ARHGEF33: variants seen among roughly 807,000 people sequenced by gnomAD.
The protein encoded by ARHGEF33 is Rho guanine nucleotide exchange factor 33.
In ARHGEF33, 72 loss-of-function variants were observed where a neutral mutation model predicts 101.9. That is an observed-to-expected ratio of 0.71 (90% CI 0.58 to 0.86). The LOEUF (loss-of-function observed/expected upper bound fraction) is 0.86, where lower values mean the gene tolerates loss of function less well. Ranked by LOEUF, ARHGEF33 falls within the 40% of genes least tolerant of loss-of-function variation. The probability of loss-of-function intolerance (pLI) is 0.00; values close to 1 mark genes in which losing one functional copy is unlikely to be tolerated. For missense variants in ARHGEF33, 1,169 were observed against 1,111.3 expected (o/e 1.05, Z -0.74); for synonymous variants, 499 against 442.5 (o/e 1.13, Z -1.60).
At chr2:38,964,149 C>T (rs1313036989) in intron 16 of ARHGEF33, among the ~76,000 whole-genome samples, 1 of 152,124 alleles carries the variant, frequency 6.6e-6, no homozygotes, top group Non-Finnish European at 1.5e-5. Context: ...GTTGCTGTCA[C>T]TGCAGAAAAC....
chr2:38,970,784 G>T (rs1451288207), intron 17 of ARHGEF33, among the ~76,000 whole-genome samples: 3 of 152,110 alleles, frequency 2.0e-5, no homozygotes, highest in African/African-American at 7.2e-5. Flanking sequence ...CATTTCCTTT[G>T]GGCTCTCCAA....
intron 17 of ARHGEF33, among the ~76,000 whole-genome samples, chr2:38,970,193 CTCA>C (rs566136312): frequency 6.6e-6 from 1 of 152,196 alleles, no homozygotes; most frequent in Non-Finnish European, 1.5e-5. Flanking sequence ...TGTCTCCCTT[CTCA>C]TCATCACCCT....
At chr2:38,952,697 A>G (rs1193027026) in intron 11 of ARHGEF33, among the ~76,000 whole-genome samples, 1 of 151,750 alleles carries the variant, frequency 6.6e-6, no homozygotes, top group African/African-American at 2.4e-5. Context: ...ATTTTTTTTA[A>G]GATACATTTT....
intron 11 of ARHGEF33, among the ~76,000 whole-genome samples, chr2:38,952,400 T>C (rs970433521): frequency 2.0e-5 from 3 of 152,188 alleles, no homozygotes; most frequent in Non-Finnish European, 4.4e-5. Context: ...TAGATAAATA[T>C]GTAATTAGTG....
At chr2:38,965,478 C>A (rs1668032939) in intron 16 of ARHGEF33, among the ~76,000 whole-genome samples, 1 of 152,178 alleles carries the variant, frequency 6.6e-6, no homozygotes, top group Non-Finnish European at 1.5e-5. Context: ...ACATTTACTT[C>A]TAAACAGGTC....
intron 2 of ARHGEF33, among the ~76,000 whole-genome samples, chr2:38,915,000 A>T (rs1666601702): frequency 6.6e-6 from 1 of 152,042 alleles, no homozygotes; most frequent in Non-Finnish European, 1.5e-5. Context: ...GTACAACAAT[A>T]ATGATCCTAT....
chr2:38,952,507 G>A (rs1667636935), intron 11 of ARHGEF33, among the ~76,000 whole-genome samples: 1 of 152,142 alleles, frequency 6.6e-6, no homozygotes, highest in South Asian at 2.1e-4. Flanking sequence ...ATGATTGACT[G>A]AAATGAAATG....
intron 2 of ARHGEF33, among the ~76,000 whole-genome samples, chr2:38,906,759 A>G (rs1423573097): frequency 6.7e-6 from 1 of 148,870 alleles, no homozygotes; most frequent in African/African-American, 2.5e-5. Context: ...GCTCGAGCAC[A>G]GGAGCTTGAG....
At chr2:38,962,948 C>T (rs1225413615) in intron 16 of ARHGEF33, among the ~76,000 whole-genome samples, 8 of 149,214 alleles carry the variant, frequency 5.4e-5, no homozygotes, top group Non-Finnish European at 8.9e-5. Flanking sequence ...GGCGTGAACC[C>T]GGGAGGTGGA....
Position 38,954,368 on chromosome 2 carries a change from T to C in ARHGEF33, c.1138-5T>C, listed in dbSNP as rs1340483303. On this transcript the variant is annotated splice_polypyrimidine_tract_variant and splice_region_variant and intron_variant, in intron 12 of 17. Coordinates refer to ENST00000409978, the MANE Select transcript of ARHGEF33 (RefSeq NM_001145451.5). Reference sequence around the variant, plus strand: ...GAAGAGTAACTTGACCTTTCTTTCATTCAGGGTGATGAAGAGATTAAATCT... The same window carrying C: ...GAAGAGTAACTTGACCTTTCTTTCACTCAGGGTGATGAAGAGATTAAATCT... 1 of 1,534,882 alleles carries C rather than the reference T, an allele frequency of 6.5e-7. No individual in the cohort carries two copies. Among genetic ancestry groups the C allele is most frequent in the South Asian group, 1.2e-5 (1 of 83,688 alleles).
At chr2:38,946,302 A>G (rs1156305592) in intron 10 of ARHGEF33, among the ~76,000 whole-genome samples, 1 of 152,184 alleles carries the variant, frequency 6.6e-6, no homozygotes, top group East Asian at 1.9e-4. Flanking sequence ...GAAGGAGTAG[A>G]TCTCTCCCTC....
intron 17 of ARHGEF33, among the ~76,000 whole-genome samples, chr2:38,966,460 C>G (rs1371927640): frequency 1.3e-5 from 2 of 152,128 alleles, no homozygotes; most frequent in Non-Finnish European, 2.9e-5. Flanking sequence ...AGTCAAAGCC[C>G]TTTTAGACTG....
chr2:38,937,630 C>G lies in ARHGEF33; in HGVS notation c.790+71C>G, dbSNP rs768675278. Reference sequence around the variant, plus strand: ...TGTACCAGAGCTTTGAACTCAAAGGCGAGAATCCTTGCCGTTTAGATTCAG... The same window carrying G: ...TGTACCAGAGCTTTGAACTCAAAGGGGAGAATCCTTGCCGTTTAGATTCAG... On this transcript the variant is annotated intron_variant, in intron 9 of 17. Coordinates refer to ENST00000409978, the MANE Select transcript of ARHGEF33 (RefSeq NM_001145451.5). 6.5e-6 allele frequency: 6 copies of G among 929,832 alleles called. No homozygotes were observed. In the African/African-American group the frequency reaches 1.0e-4, roughly 15 times the overall value. 57.6% of individuals were successfully genotyped at this position (929,832 alleles called of 1,614,324 possible).
rs6725350 is a variant in ARHGEF33, at chr2:38,898,461, C to G, written c.-86+2612C>G. 8.9e-4 allele frequency among the ~76,000 whole-genome samples: 135 copies of G among 152,306 alleles called. 2 individuals are homozygous for G. Among genetic ancestry groups the G allele is most frequent in the African/African-American group, 2.7e-3 (113 of 41,562 alleles). Reference sequence around the variant, plus strand: ...TGCCCTCTGCTGTCTTCCAGGCACTCCAGATGGGCCACGTGACTTCCCATT... The same window carrying G: ...TGCCCTCTGCTGTCTTCCAGGCACTGCAGATGGGCCACGTGACTTCCCATT... On this transcript the variant is annotated intron_variant, in intron 2 of 17. Coordinates refer to ENST00000409978, the MANE Select transcript of ARHGEF33 (RefSeq NM_001145451.5).
At chr2:38,935,706 G>A (rs1282959632) in intron 7 of ARHGEF33, 69 bp from the exon 8 acceptor site, 39 of 1,313,082 alleles carry the variant, frequency 3.0e-5, no homozygotes, top group Non-Finnish European at 3.8e-5. Flanking sequence ...CCCAGTGCCA[G>A]GCTCGTGGAA....
chr2:38,928,851 G>T, intron 4 of ARHGEF33, 56 bp from the exon 5 acceptor site: 2 of 1,468,604 alleles, frequency 1.4e-6, no homozygotes, highest in Non-Finnish European at 1.8e-6. Context: ...AAGGTCCAAT[G>T]GTGCCACTTA....
intron 17 of ARHGEF33, among the ~76,000 whole-genome samples, chr2:38,968,570 T>C (rs1174274976): frequency 2.0e-5 from 3 of 152,240 alleles, no homozygotes; most frequent in African/African-American, 7.2e-5. Context: ...TTAATTGCTG[T>C]CAGTCCTCTT....
rs2124985266 is a variant in ARHGEF33 at position 38,910,092 on chromosome 2, G to A, written c.-85-9271G>A. Among the ~76,000 whole-genome samples the A allele has an allele frequency of 2.0e-5, 3 of 152,164 alleles. No homozygotes were observed. The South Asian group carries it at 6.2e-4, about 32-fold the overall frequency. On this transcript the variant is annotated intron_variant, in intron 2 of 17. Coordinates refer to ENST00000409978, the MANE Select transcript of ARHGEF33 (RefSeq NM_001145451.5). Reference sequence around the variant, plus strand: ...GCATAGACTAAATAACACAGACACTGTTATTTATAGAACCTTCCTGTGATA... The same window carrying A: ...GCATAGACTAAATAACACAGACACTATTATTTATAGAACCTTCCTGTGATA...
chr2:38,907,652 T>C (rs1276482409), intron 2 of ARHGEF33, among the ~76,000 whole-genome samples: 1 of 152,180 alleles, frequency 6.6e-6, no homozygotes, highest in Non-Finnish European at 1.5e-5. Flanking sequence ...CAGGGCCATC[T>C]CTAGGACTGG....
Sources: gnomAD v4.1 joint callset for allele counts (sites outside exome capture counted in the v4.1 genomes callset) on GRCh38, gnomAD v4.1.1 for gene constraint, MANE v1.5 for transcripts, NCBI Gene and HGNC (gene_info 2026-07-23, HGNC 2026-07-21) for gene names.